RBM10: variants seen among roughly 807,000 people sequenced by gnomAD.
RBM10 encodes RNA-binding protein 10.
In RBM10, 1 loss-of-function variant was observed where a neutral mutation model predicts 84.9. That is an observed-to-expected ratio of 0.01 (90% CI 0.00 to 0.06). The LOEUF (loss-of-function observed/expected upper bound fraction) is 0.06, where lower values mean the gene tolerates loss of function less well. RBM10 is among the 10% of genes least tolerant of loss of function. The pLI is 1.00. For missense variants in RBM10, 438 were observed against 839.0 expected, an observed-to-expected ratio of 0.52 and a Z score of 5.90; for synonymous variants, 326 against 344.5, an observed-to-expected ratio of 0.95 and a Z score of 0.60.
In RBM10 at chrX:47,176,024, G is replaced by A. The variant is rs1437078152; in HGVS notation, c.577-476G>A. Among the ~76,000 whole-genome samples, 4 of 112,952 alleles carry A rather than the reference G, an allele frequency of 3.5e-5. No individual in the cohort carries two copies. In the East Asian group the frequency reaches 1.1e-3, roughly 32 times the overall value. ...GCCATCCATGGGAAGACGGCCTCAT[G>A]GCAGAAACTTCCATCTGTTCGAAAT... On this transcript the variant is annotated intron_variant, in intron 6 of 23. Transcript: ENST00000377604.
At chrX:47,182,847 G>T (rs1255442253) in intron 17 of RBM10, among the ~76,000 whole-genome samples, 5 of 112,477 alleles carry the variant, frequency 4.4e-5, no homozygotes, top group African/African-American at 1.6e-4. Context: ...GGGGAACATG[G>T]AAATATAGAA....
chrX:47,156,685 A>G, intron 2 of RBM10: 1 of 167,005 alleles, frequency 6.0e-6, no homozygotes, highest in Non-Finnish European at 1.1e-5. Context: ...CTGTGCTGCT[A>G]GAAGCTGGGC....
At chrX:47,169,870 A>C (rs1453120149) in intron 3 of RBM10, among the ~76,000 whole-genome samples, 1 of 112,345 alleles carries the variant, frequency 8.9e-6, no homozygotes, top group Non-Finnish European at 1.9e-5. Flanking sequence ...TTGGGAGGAC[A>C]ACAAGGGGAC....
At chrX:47,146,116 C>T (rs1932192751) in intron 1 of RBM10, among the ~76,000 whole-genome samples, 1 of 110,756 alleles carries the variant, frequency 9.0e-6, no homozygotes, top group South Asian at 3.9e-4. Flanking sequence ...CACTGACGCT[C>T]ATCCATGGAA....
At chrX:47,174,164 C>A (rs1345137464) in intron 5 of RBM10, among the ~76,000 whole-genome samples, 1 of 109,011 alleles carries the variant, frequency 9.2e-6, no homozygotes, top group Non-Finnish European at 1.9e-5. Context: ...TCTTGCTCTG[C>A]ATCACCCCAA....
At chrX:47,163,793 C>T (rs1275611314) in intron 2 of RBM10, among the ~76,000 whole-genome samples, 4 of 107,489 alleles carry the variant, frequency 3.7e-5, no homozygotes, top group African/African-American at 1.0e-4. Flanking sequence ...CCCAGGTTCA[C>T]GCCATTGTCC....
At chrX:47,175,638 T>C (rs142702999) in intron 6 of RBM10, among the ~76,000 whole-genome samples, 4 of 111,108 alleles carry the variant, frequency 3.6e-5, no homozygotes, top group Admixed American at 1.9e-4. Flanking sequence ...TCGAGTATGA[T>C]AGTTTTATCG....
At chrX:47,146,414 C>T (rs1932228575) in intron 1 of RBM10, among the ~76,000 whole-genome samples, 1 of 111,713 alleles carries the variant, frequency 9.0e-6, no homozygotes, top group African/African-American at 3.3e-5. Flanking sequence ...TGTGCACGAG[C>T]ATAGAGCAAA....
chrX:47,150,706 A>C (rs1470107884), intron 2 of RBM10, among the ~76,000 whole-genome samples: 1 of 112,004 alleles, frequency 8.9e-6, no homozygotes, highest in Non-Finnish European at 1.9e-5. Flanking sequence ...GTCTATTTGC[A>C]CATTCTTGTG....
rs782178652 is a variant in RBM10, at chrX:47,181,865, C to T, written c.1692C>T (p.Tyr564=). The change falls in exon 15 of 24, where the codon TAC becomes TAT. Residue 564 remains tyrosine (Y), a splice_region_variant and synonymous_variant. Transcript: ENST00000377604. ...CTGCCCAGGAATCCTACAGCCAGTA[C>T]CGTGAGTAGCCACAGCCTGTGGGTA... is the stretch of plus-strand genomic sequence containing the variant. ...SPTAQESYSQ[Y]PVPDVSTYQY... is the part of the protein sequence containing the mutation. 11 of 1,209,851 alleles carry T rather than the reference C, an allele frequency of 9.1e-6. No individual in the cohort carries two copies. The East Asian group carries it at 3.3e-4, about 36-fold the overall frequency.
chrX:47,175,147 C>T (rs1935036499), intron 6 of RBM10, 55 bp downstream of exon 6: 9 of 889,310 alleles, frequency 1.0e-5, no homozygotes, highest in Middle Eastern at 6.1e-4. Flanking sequence ...TGTAATCGAG[C>T]GCTCCCCATC....
intron 1 of RBM10, 143 bp from the exon 2 acceptor site, chrX:47,147,214 C>A: frequency 1.6e-6 from 1 of 626,300 alleles, no homozygotes. Flanking sequence ...TACCTTCATA[C>A]TGTGATGCAC....
At chrX:47,168,577 A>C (rs1556770144) in intron 2 of RBM10, among the ~76,000 whole-genome samples, 1 of 111,106 alleles carries the variant, frequency 9.0e-6, no homozygotes, top group African/African-American at 3.3e-5. Flanking sequence ...TGCAGATGAA[A>C]TCAGCTTTGA....
intron 2 of RBM10, among the ~76,000 whole-genome samples, chrX:47,164,429 A>G (rs1934005125): frequency 9.3e-6 from 1 of 107,949 alleles, no homozygotes. Flanking sequence ...AATCACTGCT[A>G]CTCGGGAGGC....
chrX:47,169,071 A>G (rs989338010), intron 2 of RBM10, among the ~76,000 whole-genome samples: 12 of 110,848 alleles, frequency 1.1e-4, no homozygotes, highest in Non-Finnish European at 1.9e-4. Context: ...GAAAAATAGA[A>G]AGTTTACAGG....
At chrX:47,172,673 G>A (rs1934760054) in intron 4 of RBM10, among the ~76,000 whole-genome samples, 1 of 112,905 alleles carries the variant, frequency 8.9e-6, no homozygotes, top group African/African-American at 3.2e-5. Flanking sequence ...TTTATGTCAT[G>A]GATCTCTTTT....
intron 2 of RBM10, among the ~76,000 whole-genome samples, chrX:47,154,918 C>A (rs781999164): frequency 9.3e-6 from 1 of 107,844 alleles, no homozygotes; most frequent in Non-Finnish European, 1.9e-5. Flanking sequence ...GAGGCCGAGG[C>A]GGGTGAATCA....
In RBM10 at chrX:47,170,924, C is replaced by G. The variant is rs1934601687; in HGVS notation, c.202-104C>G. 4.7e-6 allele frequency: 4 copies of G among 856,981 alleles called. No individual in the cohort carries two copies. In the Admixed American group the frequency reaches 1.0e-4, roughly 21 times the overall value. 70.6% of individuals were successfully genotyped at this position (856,981 alleles called of 1,213,427 possible). ...AGCCTTTAGCCGGAGCCCGCACATCCCTGGCTTTCAGAGCCTGCCTGCCTC... is the reference window on the plus strand; with the variant it reads ...AGCCTTTAGCCGGAGCCCGCACATCGCTGGCTTTCAGAGCCTGCCTGCCTC... On this transcript the variant is annotated intron_variant, in intron 3 of 23. Coordinates refer to ENST00000377604, the MANE Select transcript of RBM10 (RefSeq NM_005676.5).
intron 13 of RBM10, 30 bp downstream of exon 13, chrX:47,181,431 T>C (rs942756707): frequency 8.3e-7 from 1 of 1,207,668 alleles, no homozygotes; most frequent in Non-Finnish European, 1.1e-6. Flanking sequence ...TCTGCAGCTG[T>C]GGTGGGGGCC....
Sources: gnomAD v4.1 joint callset for allele counts (sites outside exome capture counted in the v4.1 genomes callset) on GRCh38, gnomAD v4.1.1 for gene constraint, MANE v1.5 for transcripts, NCBI Gene and HGNC (gene_info 2026-07-23, HGNC 2026-07-21) for gene names.